The following FAM117B variants were observed in gnomAD, a reference collection of about 807,000 sequenced individuals.
FAM117B encodes the protein family with sequence similarity 117 member B, also known as protein FAM117B.
In FAM117B, 22 loss-of-function variants were observed where a neutral mutation model predicts 52.8. The ratio of observed to expected loss-of-function variants is 0.42; its 90% CI spans 0.30 to 0.59. The LOEUF (loss-of-function observed/expected upper bound fraction) is 0.59, where lower values mean the gene tolerates loss of function less well. Among genes scored for constraint, FAM117B ranks in the 20% least tolerant of loss-of-function variants. The pLI, the probability that FAM117B is intolerant of heterozygous loss-of-function variation, is 0.22. For synonymous variants in FAM117B, 309 were observed against 324.1 expected (o/e 0.95, Z 0.50); for missense variants, 678 against 802.6 (o/e 0.84, Z 1.88).
intron 2 of FAM117B, among the ~76,000 whole-genome samples, chr2:202,720,963 AAC>A (rs1392032108): frequency 6.6e-6 from 1 of 152,226 alleles, no homozygotes; most frequent in Non-Finnish European, 1.5e-5. Context: ...CACATACACA[AAC>A]ACAAATGAAC....
chr2:202,672,511 G>T (rs889533815), intron 1 of FAM117B, among the ~76,000 whole-genome samples: 1 of 152,134 alleles, frequency 6.6e-6, no homozygotes, highest in Non-Finnish European at 1.5e-5. Flanking sequence ...ACTGCACCTG[G>T]CACTATTTTC....
intron 2 of FAM117B, among the ~76,000 whole-genome samples, chr2:202,718,919 T>C (rs1012253492): frequency 6.6e-6 from 1 of 152,232 alleles, no homozygotes; most frequent in African/African-American, 2.4e-5. Context: ...TAATTAGCTA[T>C]CTATTCCTTC....
intron 2 of FAM117B, among the ~76,000 whole-genome samples, chr2:202,698,579 C>A (rs749992475): frequency 9.2e-5 from 14 of 152,106 alleles, no homozygotes; most frequent in African/African-American, 2.9e-4. Context: ...CACGCCACCA[C>A]GCCTGGCTAA....
At chr2:202,745,839 A>G (rs1691623782) in intron 4 of FAM117B, among the ~76,000 whole-genome samples, 1 of 152,246 alleles carries the variant, frequency 6.6e-6, no homozygotes, top group South Asian at 2.1e-4. Context: ...TCAAAAACCA[A>G]AAAGACAAAG....
intron 2 of FAM117B, among the ~76,000 whole-genome samples, chr2:202,697,112 C>G (rs543168091): frequency 9.1e-4 from 139 of 152,144 alleles, no homozygotes; most frequent in Non-Finnish European, 1.5e-3. Context: ...CAGGTCTACC[C>G]CTTAGTTTTA....
At chr2:202,727,026 T>C in intron 4 of FAM117B, among the ~76,000 whole-genome samples, 1 of 152,142 alleles carries the variant, frequency 6.6e-6, no homozygotes, top group Non-Finnish European at 1.5e-5. Context: ...GTAGAACCCA[T>C]GAACTGCTCT....
At chr2:202,693,041 T>G (rs1690659309) in intron 1 of FAM117B, among the ~76,000 whole-genome samples, 1 of 152,218 alleles carries the variant, frequency 6.6e-6, no homozygotes, top group Admixed American at 6.5e-5. Context: ...CAAGACAGAT[T>G]TGGCCTGTAG....
chr2:202,662,607 C>G (rs1407497045), intron 1 of FAM117B, among the ~76,000 whole-genome samples: 2 of 152,176 alleles, frequency 1.3e-5, no homozygotes, highest in Admixed American at 1.3e-4. Context: ...CTTTGGGTGG[C>G]TGAGGCGGGT....
chr2:202,666,583 G>A (rs1690207302), intron 1 of FAM117B, among the ~76,000 whole-genome samples: 1 of 151,564 alleles, frequency 6.6e-6, no homozygotes, highest in South Asian at 2.1e-4. Flanking sequence ...GTGGGATGTG[G>A]GGGTATGTTA....
intron 2 of FAM117B, among the ~76,000 whole-genome samples, chr2:202,720,435 A>G (rs1387102943): frequency 1.3e-5 from 2 of 149,088 alleles, no homozygotes; most frequent in Non-Finnish European, 3.0e-5. Flanking sequence ...GTGCGCTGCA[A>G]TTTTTGAAAG....
At chr2:202,715,065 G>A (rs906046210) in intron 2 of FAM117B, among the ~76,000 whole-genome samples, 1 of 152,204 alleles carries the variant, frequency 6.6e-6, no homozygotes, top group East Asian at 1.9e-4. Context: ...CCCAGACGGG[G>A]TGGTGGCGGG....
rs1559119371 is a variant in FAM117B, at chr2:202,767,530, C to CAT, written c.*1770_*1771dup. On this transcript the variant is annotated 3_prime_UTR_variant, in exon 8 of 8. Coordinates refer to ENST00000392238, the MANE Select transcript of FAM117B (RefSeq NM_173511.4). ...AATAAAAGCATCCTTTTCATATCTT[C>CAT]ATATACTACTTTATGATGCAATAAT... 2 of 152,094 alleles carry CAT rather than the reference C, an allele frequency of 1.3e-5. No individual in the cohort carries two copies. The highest frequency in any genetic ancestry group is 2.9e-5 in the Non-Finnish European group (2 of 68,016). 9.4% of individuals were successfully genotyped at this position (152,094 alleles called of 1,614,324 possible).
chr2:202,643,936 C>T (rs1405807397), intron 1 of FAM117B, among the ~76,000 whole-genome samples: 1 of 152,110 alleles, frequency 6.6e-6, no homozygotes, highest in Admixed American at 6.6e-5. Flanking sequence ...TCTCGAACTC[C>T]TGGCCTCAAG....
intron 3 of FAM117B, among the ~76,000 whole-genome samples, chr2:202,725,724 A>C (rs544586605): frequency 3.9e-5 from 6 of 152,230 alleles, no homozygotes; most frequent in Non-Finnish European, 7.3e-5. Flanking sequence ...TGTGCTGCTA[A>C]TTAGTGACAT....
chr2:202,766,084 A>ACC lies in FAM117B; in HGVS notation c.*321_*322insCC, dbSNP rs1559118978. 1 of 232,546 alleles carries ACC rather than the reference A, an allele frequency of 4.3e-6. No individual in the cohort carries two copies. Among genetic ancestry groups the ACC allele is most frequent in the Non-Finnish European group, 8.5e-6 (1 of 117,696 alleles). The allele number at this position is 232,546 out of a possible 1,614,324, so 14.4% of individuals were successfully genotyped here. ...AAAACACACACACACACACACACAC[A>ACC]CACACACACACACACACACACACCC... is the stretch of plus-strand genomic sequence containing the variant. On this transcript the variant is annotated 3_prime_UTR_variant, in exon 8 of 8. Coordinates refer to ENST00000392238, the MANE Select transcript of FAM117B (RefSeq NM_173511.4).
intron 2 of FAM117B, among the ~76,000 whole-genome samples, chr2:202,717,989 G>A (rs1023978498): frequency 6.6e-6 from 1 of 152,050 alleles, no homozygotes; most frequent in African/African-American, 2.4e-5. Context: ...CTGGCACTCA[G>A]ACCACAAGAT....
Position 202,766,964 on chromosome 2 carries a change from T to G in FAM117B, c.*1200T>G, listed in dbSNP as rs1691990272. 1 of 152,526 alleles carries G rather than the reference T, an allele frequency of 6.6e-6. No individual in the cohort carries two copies. Among genetic ancestry groups the G allele is most frequent in the African/African-American group, 2.4e-5 (1 of 41,392 alleles). 9.4% of individuals were successfully genotyped at this position (152,526 alleles called of 1,614,324 possible). On this transcript the variant is annotated 3_prime_UTR_variant, in exon 8 of 8. Transcript: ENST00000392238. ...GGCCCTGAGATTTGTTGCCTACAGATTTTGCTAATTTACCCCCCTAACGCT... is the reference window on the plus strand; with the variant it reads ...GGCCCTGAGATTTGTTGCCTACAGAGTTTGCTAATTTACCCCCCTAACGCT...
intron 1 of FAM117B, among the ~76,000 whole-genome samples, chr2:202,660,182 C>G (rs1043088618): frequency 1.3e-5 from 2 of 151,848 alleles, no homozygotes; most frequent in African/African-American, 2.4e-5. Context: ...ATTATAATAG[C>G]TGCTTAATTT....
intron 2 of FAM117B, among the ~76,000 whole-genome samples, chr2:202,704,462 T>C (rs1559105997): frequency 6.6e-6 from 1 of 152,232 alleles, no homozygotes; most frequent in Non-Finnish European, 1.5e-5. Context: ...GGGGCACTTT[T>C]AGCAGTTATT....
Sources: gnomAD v4.1 joint callset for allele counts (sites outside exome capture counted in the v4.1 genomes callset) on GRCh38, gnomAD v4.1.1 for gene constraint, MANE v1.5 for transcripts, NCBI Gene and HGNC (gene_info 2026-07-23, HGNC 2026-07-21) for gene names.